DUXB: variants seen among roughly 807,000 people sequenced by gnomAD.
DUXB encodes double homeobox B.
Under a neutral mutation model 8.9 loss-of-function variants are expected in DUXB, and 22 were observed. That is an observed-to-expected ratio of 2.46 (90% CI 1.76 to 3.52). The LOEUF is 3.52. Ranked by LOEUF, DUXB falls within the 30% of genes most tolerant of loss-of-function variation. The probability of loss-of-function intolerance (pLI) is 0.00; values close to 1 mark genes in which losing one functional copy is unlikely to be tolerated. For synonymous variants in DUXB, 84 were observed against 37.6 expected (o/e 2.23, Z -4.52); for missense variants, 237 against 108.7 (o/e 2.18, Z -5.25).
At position 75,696,882 on chromosome 16, in the gene DUXB, T is replaced by G. The variant is rs1199931598; in HGVS notation, c.242A>C (p.Lys81Thr). 5 of 702,852 alleles carry G rather than the reference T, an allele frequency of 7.1e-6. No individual in the cohort carries two copies. In the African/African-American group the frequency reaches 8.7e-5, roughly 12 times the overall value. The allele number at this position is 702,852 out of a possible 1,614,324, so 43.5% of individuals were successfully genotyped here. A position where few individuals can be genotyped will look rare whatever the true frequency, so the allele number is the denominator to read the frequency against. Reference sequence around the variant, plus strand: ...CTGGTCATGCCCCTGGGTTTGATCTTTTTCTGAGAAGCACTTATAATCCAG... The same window carrying G: ...CTGGTCATGCCCCTGGGTTTGATCTGTTTCTGAGAAGCACTTATAATCCAG... The part of the protein sequence containing the change: ...RKLDYKCFSE[K>T]DQTQGHDQSQ... Residue 81 changes from lysine (K) to threonine (T), a missense_variant, in exon 3 of 5, where the codon AAA (lysine) becomes ACA (threonine). By Grantham distance (78) the Lys-to-Thr change is moderately conservative. Transcript: ENST00000633875.
intron 3 of DUXB, among the ~76,000 whole-genome samples, chr16:75,696,511 A>G (rs1030125837): frequency 2.0e-5 from 3 of 152,234 alleles, no homozygotes; most frequent in African/African-American, 7.2e-5. Context: ...AGATCAGACC[A>G]CTGCACTTCA....
At chr16:75,695,824 G>A (rs2151832380) in intron 4 of DUXB, 137 bp downstream of exon 4, 2 of 601,084 alleles carry the variant, frequency 3.3e-6, no homozygotes, top group Admixed American at 2.9e-5. Context: ...GGGACTTTCA[G>A]TGCCAGGCGT....
At position 75,696,095 on chromosome 16, in the gene DUXB, G is replaced by C. The variant is rs1262311503; in HGVS notation, c.307C>G (p.Arg103Gly). 7.1e-6 allele frequency: 5 copies of C among 702,624 alleles called. No homozygotes were observed. Among genetic ancestry groups the C allele is most frequent in the South Asian group, 3.0e-5 (2 of 67,598 alleles). The allele number at this position is 702,624 out of a possible 1,614,324, so 43.5% of individuals were successfully genotyped here. A position where few individuals can be genotyped will look rare whatever the true frequency, so the allele number is the denominator to read the frequency against. ...LTQEYLPKEA[R>G]QKQTFITWTQ... ...CATGTGATGAATGTCTGTTTTTGTC[G>C]GGCTTCTTTAGGTAAGTATTCTAAA... Residue 103 changes from arginine to glycine, a missense_variant, in exon 4 of 5, where the codon CGA becomes GGA. Physicochemically the swap from Arg to Gly is moderately radical, Grantham distance 125. Coordinates refer to ENST00000633875, the MANE Select transcript of DUXB (RefSeq NM_001351307.2).
At position 75,693,994 on chromosome 16, in the gene DUXB, G is replaced by A. The variant is rs950583034; in HGVS notation, c.973C>T (p.Gln325Ter). The A allele has an allele frequency of 1.0e-5, 4 of 401,078 alleles. No individual in the cohort carries two copies. Among genetic ancestry groups the A allele is most frequent in the African/African-American group, 2.1e-5 (1 of 48,572 alleles). 24.8% of individuals were successfully genotyped at this position (401,078 alleles called of 1,614,324 possible). ...LGQFDISNILQRWDEICQALL... is the reference protein window; with the variant it reads ...LGQFDISNIL The stretch of plus-strand genomic sequence containing the variant: ...GCCTGGCAGATCTCGTCCCACCTTT[G>A]CAAAATGTTCGATATGTCAAACTGA... The change falls in exon 5 of 5, where the codon CAA becomes TAA. Residue 325 changes from glutamine (Q) to a stop codon, truncating the protein, a stop_gained. Coordinates refer to ENST00000633875, the MANE Select transcript of DUXB (RefSeq NM_001351307.2). LOFTEE classifies it low-confidence loss of function (END_TRUNC).
In DUXB at chr16:75,696,095, G is replaced by A. The variant is rs1262311503; in HGVS notation, c.307C>T (p.Arg103Ter). 2.8e-6 allele frequency: 2 copies of A among 702,742 alleles called. No individual in the cohort carries two copies. The highest frequency in any genetic ancestry group is 2.7e-5 in the East Asian group (1 of 37,274). 43.5% of individuals were successfully genotyped at this position (702,742 alleles called of 1,614,324 possible). A position where few individuals can be genotyped will look rare whatever the true frequency, so the allele number is the denominator to read the frequency against. The stretch of plus-strand genomic sequence containing the variant: ...CATGTGATGAATGTCTGTTTTTGTC[G>A]GGCTTCTTTAGGTAAGTATTCTAAA... ...LTQEYLPKEA[R>*]QKQTFITWTQ... The change falls in exon 4 of 5, where the codon CGA (arginine) becomes TGA (stop). Residue 103 changes from arginine to a stop codon, truncating the protein, a stop_gained. Transcript: ENST00000633875. LOFTEE classifies it high-confidence loss of function.
chr16:75,696,195 T>C (rs1239034918), intron 3 of DUXB, 80 bp from the exon 4 acceptor site: 1 of 670,216 alleles, frequency 1.5e-6, no homozygotes, highest in Non-Finnish European at 2.7e-6. Context: ...ATGCTGGCCA[T>C]ATTTGTTCTC....
At chr16:75,695,758 G>A (rs2082600714) in intron 4 of DUXB, among the ~76,000 whole-genome samples, 2 of 152,224 alleles carry the variant, frequency 1.3e-5, no homozygotes, top group South Asian at 4.1e-4. Context: ...GTTTCTGCTA[G>A]TGATTCCAAA....
chr16:75,697,496 C>A (rs546606792), intron 2 of DUXB, among the ~76,000 whole-genome samples: 3 of 152,208 alleles, frequency 2.0e-5, no homozygotes, highest in Non-Finnish European at 4.4e-5. Flanking sequence ...CCACACACCT[C>A]ATTTTGTCAC....
At chr16:75,697,096 C>T (rs2151833049) in intron 2 of DUXB, among the ~76,000 whole-genome samples, 153 bp from the exon 3 acceptor site, 1 of 152,310 alleles carries the variant, frequency 6.6e-6, no homozygotes, top group South Asian at 2.1e-4. Context: ...AATGATGCTG[C>T]TATTGGCATA....
intron 3 of DUXB, among the ~76,000 whole-genome samples, chr16:75,696,543 C>T (rs1031657159): frequency 6.6e-6 from 1 of 152,116 alleles, no homozygotes; most frequent in Admixed American, 6.5e-5. Flanking sequence ...GAGACTCCAT[C>T]TCAAAACAAA....
intron 3 of DUXB, 80 bp downstream of exon 3, chr16:75,696,758 C>A (rs1347516218): frequency 1.4e-5 from 9 of 635,600 alleles, no homozygotes; most frequent in Non-Finnish European, 2.2e-5. Flanking sequence ...AACCAGCTAT[C>A]CCTGGCTTCT....
At chr16:75,697,069 C>A (rs913467173) in intron 2 of DUXB, 126 bp from the exon 3 acceptor site, 4 of 616,622 alleles carry the variant, frequency 6.5e-6, no homozygotes, top group African/African-American at 1.8e-5. Flanking sequence ...AAGAGAAAGG[C>A]AATCCATTAT....
chr16:75,700,803 G>A (rs567148819), intron 1 of DUXB, among the ~76,000 whole-genome samples: 17 of 152,144 alleles, frequency 1.1e-4, no homozygotes, highest in South Asian at 2.1e-4. Flanking sequence ...CACCGCACCC[G>A]TACTGTTAAT....
Position 75,700,123 on chromosome 16 carries a change from CTG to C in DUXB, c.70_71del (p.Gln24GlufsTer13). ...EFWRNRIQYN[Q>X]SQKDILQSWF... is the part of the protein sequence containing the mutation. Reference sequence around the variant, plus strand: ...ATGATTGGAGGATATCCTTTTGACTCTGGTTATACTGAATTCTGTTTCTCCAG... The same window carrying C: ...ATGATTGGAGGATATCCTTTTGACTCGTTATACTGAATTCTGTTTCTCCAG... On this transcript the variant is annotated frameshift_variant, in exon 2 of 5. Transcript: ENST00000633875. LOFTEE classifies it high-confidence loss of function. 1 of 702,704 alleles carries C rather than the reference CTG, an allele frequency of 1.4e-6. No individual in the cohort carries two copies. The highest frequency in any genetic ancestry group is 2.6e-6 in the Non-Finnish European group (1 of 384,878). The allele number at this position is 702,704 out of a possible 1,614,324, so 43.5% of individuals were successfully genotyped here. A position where few individuals can be genotyped will look rare whatever the true frequency, so the allele number is the denominator to read the frequency against.
chr16:75,697,608 G>C (rs1030649876), intron 2 of DUXB, among the ~76,000 whole-genome samples: 2 of 152,166 alleles, frequency 1.3e-5, no homozygotes, highest in East Asian at 1.9e-4. Context: ...TTATTATTTT[G>C]ATAATTAGAT....
At chr16:75,695,798 C>T in intron 4 of DUXB, 163 bp downstream of exon 4, 1 of 594,896 alleles carries the variant, frequency 1.7e-6, no homozygotes. Context: ...TTTGAAAATT[C>T]TTCCTTGACA....
At chr16:75,696,790 G>C in intron 3 of DUXB, 48 bp downstream of exon 3, 1 of 681,198 alleles carries the variant, frequency 1.5e-6, no homozygotes, top group South Asian at 1.6e-5. Flanking sequence ...TGTTGATGCA[G>C]AATTTGGGCA....
intron 1 of DUXB, among the ~76,000 whole-genome samples, chr16:75,700,618 C>T (rs907652184): frequency 1.3e-5 from 2 of 151,946 alleles, no homozygotes; most frequent in East Asian, 1.9e-4. Flanking sequence ...CCCGGGTTCA[C>T]GCCATTCTCC....
chr16:75,700,040 A>T lies in DUXB; in HGVS notation c.155T>A (p.Ile52Asn), dbSNP rs1959201670. 3 of 700,300 alleles carry T rather than the reference A, an allele frequency of 4.3e-6. No homozygotes were observed. The African/African-American group carries it at 5.3e-5, about 12-fold the overall frequency. 43.4% of individuals were successfully genotyped at this position (700,300 alleles called of 1,614,324 possible). A position where few individuals can be genotyped will look rare whatever the true frequency, so the allele number is the denominator to read the frequency against. Residue 52 changes from isoleucine (I) to asparagine (N), a missense_variant, in exon 2 of 5, where the codon ATT becomes AAT. Ile to Asn is a moderately radical substitution (Grantham distance 149, BLOSUM62 -3). Coordinates refer to ENST00000633875, the MANE Select transcript of DUXB (RefSeq NM_001351307.2). ...KAAREQLAKE[I>N]GVPESNIQVW... ...CTGAATATTAGATTCTGGAACCCCA[A>T]TTTCTTTGGCCAGTTGTTCTCTGGC...
Sources: gnomAD v4.1 joint callset for allele counts (sites outside exome capture counted in the v4.1 genomes callset) on GRCh38, gnomAD v4.1.1 for gene constraint, MANE v1.5 for transcripts, NCBI Gene and HGNC (gene_info 2026-07-23, HGNC 2026-07-21) for gene names.